The following AGAP1 variants were observed in gnomAD, a reference collection of about 807,000 sequenced individuals.
AGAP1 encodes arf-GAP with GTPase, ANK repeat and PH domain-containing protein 1.
AGAP1 carries 29 observed loss-of-function variants against 105.3 expected under a neutral mutation model. The observed-to-expected ratio is 0.28, with a 90% CI of 0.21 to 0.38. AGAP1 has a LOEUF of 0.38. AGAP1 is among the 10% of genes least tolerant of loss of function. The pLI is 1.00. For synonymous variants in AGAP1, 509 were observed against 485.9 expected (o/e 1.05, Z -0.63); for missense variants, 998 against 1,165.1 (o/e 0.86, Z 2.09).
intron 12 of AGAP1, among the ~76,000 whole-genome samples, chr2:235,933,865 A>G (rs2052855165): frequency 6.6e-6 from 1 of 152,146 alleles, no homozygotes; most frequent in Non-Finnish European, 1.5e-5. Flanking sequence ...TACCGGAAAT[A>G]TTTTGAAAAG....
At chr2:235,717,834 T>G (rs1951196483) in intron 3 of AGAP1, among the ~76,000 whole-genome samples, 190 bp downstream of exon 3, 1 of 152,240 alleles carries the variant, frequency 6.6e-6, no homozygotes, top group South Asian at 2.1e-4. Flanking sequence ...TTCACTTTGA[T>G]ATCTGGAATA....
At chr2:235,839,847 AT>A (rs2106386201) in intron 9 of AGAP1, among the ~76,000 whole-genome samples, 1 of 152,298 alleles carries the variant, frequency 6.6e-6, no homozygotes, top group South Asian at 2.1e-4. Flanking sequence ...TTTGAAAGAC[AT>A]TTTGGTAGCC....
chr2:235,573,024 CTT>C (rs1944599608), intron 1 of AGAP1, among the ~76,000 whole-genome samples: 3 of 19,158 alleles, frequency 1.6e-4, no homozygotes, highest in African/African-American at 1.5e-3. Flanking sequence ...TCTTCTTCTT[CTT>C]CTTCTTCTTC....
At chr2:235,568,117 C>T (rs901419851) in intron 1 of AGAP1, among the ~76,000 whole-genome samples, 5 of 152,066 alleles carry the variant, frequency 3.3e-5, no homozygotes, top group African/African-American at 1.2e-4. Flanking sequence ...TCTCTAGTGC[C>T]CTCAGGGACC....
intron 1 of AGAP1, among the ~76,000 whole-genome samples, chr2:235,575,564 C>T (rs1458649712): frequency 6.7e-6 from 1 of 150,354 alleles, no homozygotes; most frequent in Non-Finnish European, 1.5e-5. Flanking sequence ...TGTCCTGTTG[C>T]TCTGCCTCCT....
At position 236,040,418 on chromosome 2, in the gene AGAP1, C is replaced by T. The variant is rs2057511743; in HGVS notation, c.1801-333C>T. On this transcript the variant is annotated intron_variant, in intron 14 of 17. Transcript: ENST00000304032. The surrounding 1 kb of genome is among the most constrained non-coding windows in gnomAD (Gnocchi z 5.6). ...TTACCAAGTAGACATGTGGCTACTG[C>T]CCAGAAGGTTACCCATTTACCTTCT... Among the ~76,000 whole-genome samples the T allele has an allele frequency of 3.3e-5, 5 of 152,262 alleles. No homozygotes were observed. In the South Asian group the frequency reaches 1.0e-3, roughly 32 times the overall value.
In AGAP1 at chr2:235,740,886, C is replaced by G; in HGVS notation, c.311-77C>G. 6.3e-7 allele frequency: 1 copy of G among 1,579,918 alleles called. No individual in the cohort carries two copies. Among genetic ancestry groups the G allele is most frequent in the Non-Finnish European group, 8.7e-7 (1 of 1,152,414 alleles). On this transcript the variant is annotated intron_variant, in intron 3 of 17. Transcript: ENST00000304032. The surrounding 1 kb of genome is among the most constrained non-coding windows in gnomAD (Gnocchi z 5.7). ...CGACAGCCTAGGGTGTATTTTTCCA[C>G]AAGCGAAGCCCACGTCTGTCTGCCC...
intron 6 of AGAP1, among the ~76,000 whole-genome samples, chr2:235,768,812 A>G (rs929099177): frequency 1.9e-4 from 29 of 152,224 alleles, no homozygotes; most frequent in Middle Eastern, 6.8e-3. Context: ...GTTGTCGGGG[A>G]TCTGGGCAGC....
chr2:235,551,464 C>T lies in AGAP1; in HGVS notation c.163+56615C>T, dbSNP rs532185693. The stretch of plus-strand genomic sequence containing the variant: ...GGGACTACAGGTGCGCAGCACCACA[C>T]CTGGCTGATTTTTTTTGTAGAGACG... On this transcript the variant is annotated intron_variant, in intron 1 of 17. Transcript: ENST00000304032. The surrounding 1 kb of genome is among the most constrained non-coding windows in gnomAD (Gnocchi z 4.8). 2.8e-5 allele frequency among the ~76,000 whole-genome samples: 4 copies of T among 142,648 alleles called. No homozygotes were observed. The highest frequency in any genetic ancestry group is 6.1e-5 in the Non-Finnish European group (4 of 66,102). The allele number at this position is 142,648 out of a possible 152,430, so 93.6% of individuals were successfully genotyped here.
At chr2:235,590,712 T>TGTGCGCATGTGC (rs369129304) in intron 1 of AGAP1, among the ~76,000 whole-genome samples, 1 of 117,026 alleles carries the variant, frequency 8.5e-6, no homozygotes, top group Non-Finnish European at 1.7e-5. Flanking sequence ...TGTGTGTGTG[T>TGTGCGCATGTGC]GCATTTTTTT....
Position 235,992,168 on chromosome 2 carries a change from C to T in AGAP1, c.1645+23545C>T, listed in dbSNP as rs974824212. Among the ~76,000 whole-genome samples the T allele has an allele frequency of 6.6e-6, 1 of 151,176 alleles. No individual in the cohort carries two copies. Among genetic ancestry groups the T allele is most frequent in the Admixed American group, 6.6e-5 (1 of 15,180 alleles). ...GCGGAGGAGCCTGTCTTCCTGGGTC[C>T]GAGTTGCGTGGTTAGGAGCGCAGCG... On this transcript the variant is annotated intron_variant, in intron 13 of 17. Coordinates refer to ENST00000304032, the MANE Select transcript of AGAP1 (RefSeq NM_001037131.3). The surrounding 1 kb of genome is among the most constrained non-coding windows in gnomAD (Gnocchi z 4.8).
At chr2:235,921,726 G>A (rs1011918112) in intron 11 of AGAP1, among the ~76,000 whole-genome samples, 1 of 152,192 alleles carries the variant, frequency 6.6e-6, no homozygotes, top group Non-Finnish European at 1.5e-5. Context: ...CACCAGATTT[G>A]TGTCTTCCTA....
At position 235,977,264 on chromosome 2, in the gene AGAP1, T is replaced by C. The variant is rs2054899959; in HGVS notation, c.1645+8641T>C. 1.3e-5 allele frequency among the ~76,000 whole-genome samples: 2 copies of C among 151,884 alleles called. No homozygotes were observed. The highest frequency in any genetic ancestry group is 2.4e-5 in the African/African-American group (1 of 41,350). On this transcript the variant is annotated intron_variant, in intron 13 of 17. Transcript: ENST00000304032. This position sits in a 1 kb window ranked among gnomAD's most constrained non-coding sequence, Gnocchi z 5.2. ...AGGATCTGTCTTGAAGTCATTTTCTTGATGGTCTCAAAATGTTTGAGCTCT... is the reference window on the plus strand; with the variant it reads ...AGGATCTGTCTTGAAGTCATTTTCTCGATGGTCTCAAAATGTTTGAGCTCT...
chr2:235,685,897 A>G (rs115337600), intron 1 of AGAP1, among the ~76,000 whole-genome samples: 170 of 152,284 alleles, frequency 1.1e-3, no homozygotes, highest in African/African-American at 4.0e-3. Context: ...ACCAATCAAT[A>G]CATGTAAAAT....
At chr2:235,774,125 T>A (rs1326874863) in intron 6 of AGAP1, 1 of 392,984 alleles carries the variant, frequency 2.5e-6, no homozygotes, top group Non-Finnish European at 5.1e-6. Flanking sequence ...AGGAGAAAAC[T>A]ATTTGTAGAA....
At chr2:235,968,422 ATT>A (rs35278826) in intron 12 of AGAP1, 38 bp from the exon 13 acceptor site, 44,734 of 1,349,988 alleles carry the variant, frequency 0.033, 24 homozygotes, top group African/African-American at 0.068. Flanking sequence ...CTCACTCTGC[ATT>A]TTTTTTTTTT....
rs2050305896 is a variant in AGAP1, at chr2:235,887,045, T to C, written c.1155+3596T>C. On this transcript the variant is annotated intron_variant, in intron 10 of 17. Transcript: ENST00000304032. The surrounding 1 kb of genome is among the most constrained non-coding windows in gnomAD (Gnocchi z 4.1). Reference sequence around the variant, plus strand: ...TAAGAAACTTGAGAATGTGCAAATGTGTTGCTAGTTCAGGTCCCAAAATTT... The same window carrying C: ...TAAGAAACTTGAGAATGTGCAAATGCGTTGCTAGTTCAGGTCCCAAAATTT... 6.6e-6 allele frequency among the ~76,000 whole-genome samples: 1 copy of C among 152,196 alleles called. No individual in the cohort carries two copies. Among genetic ancestry groups the C allele is most frequent in the Middle Eastern group, 3.2e-3 (1 of 316 alleles).
intron 1 of AGAP1, among the ~76,000 whole-genome samples, chr2:235,604,660 G>A (rs1945862512): frequency 8.0e-6 from 1 of 125,348 alleles, no homozygotes. Flanking sequence ...TTGGCTCACT[G>A]CAAGCTCCAC....
At chr2:235,710,448 C>A (rs561994752) in intron 2 of AGAP1, among the ~76,000 whole-genome samples, 1 of 152,206 alleles carries the variant, frequency 6.6e-6, no homozygotes. Context: ...CCATCCCCAC[C>A]GCAACCGCGG....
Sources: gnomAD v4.1 joint callset for allele counts (sites outside exome capture counted in the v4.1 genomes callset) on GRCh38, gnomAD v4.1.1 for gene constraint, Gnocchi (gnomAD v3.1) non-coding constraint, MANE v1.5 for transcripts, NCBI Gene and HGNC (gene_info 2026-07-23, HGNC 2026-07-21) for gene names.